STX8: variants seen among roughly 807,000 people sequenced by gnomAD.
STX8 encodes syntaxin 8.
STX8 carries 23 observed loss-of-function variants against 37.5 expected under a neutral mutation model. The ratio of observed to expected loss-of-function variants is 0.61; its 90% CI spans 0.44 to 0.87. The LOEUF (loss-of-function observed/expected upper bound fraction) is 0.87, where lower values mean the gene tolerates loss of function less well. Ranked by LOEUF, STX8 falls within the 40% of genes least tolerant of loss-of-function variation. The pLI is 0.00. For synonymous variants in STX8, 115 were observed against 99.1 expected, an observed-to-expected ratio of 1.16 and a Z score of -0.95; for missense variants, 313 against 284.7, an observed-to-expected ratio of 1.10 and a Z score of -0.71.
At chr17:9,535,424 CTTTTTTTTTTTT>C (rs35962202) in intron 4 of STX8, among the ~76,000 whole-genome samples, 3 of 51,550 alleles carry the variant, frequency 5.8e-5, no homozygotes, top group Admixed American at 7.5e-4. Context: ...AGCCATCCTA[CTTTTTTTTTTTT>C]TTTTTTTTTT....
intron 4 of STX8, among the ~76,000 whole-genome samples, chr17:9,533,361 G>T (rs984338124): frequency 4.6e-5 from 7 of 152,130 alleles, no homozygotes; most frequent in Non-Finnish European, 1.0e-4. Flanking sequence ...CCAGCTACTT[G>T]GGAGCTGAGG....
intron 7 of STX8, among the ~76,000 whole-genome samples, chr17:9,292,367 G>A (rs1408942185): frequency 1.3e-5 from 2 of 152,220 alleles, no homozygotes; most frequent in Admixed American, 1.3e-4. Flanking sequence ...ACCGTGTGGT[G>A]GAAGGGAGAG....
At chr17:9,282,258 G>C (rs1187946363) in intron 7 of STX8, among the ~76,000 whole-genome samples, 2 of 152,042 alleles carry the variant, frequency 1.3e-5, no homozygotes, top group African/African-American at 4.8e-5. Context: ...TCAGCCCCCC[G>C]AGGAGCTGGG....
chr17:9,446,620 A>G (rs1344738413), intron 6 of STX8, among the ~76,000 whole-genome samples: 2 of 152,208 alleles, frequency 1.3e-5, no homozygotes, highest in African/African-American at 4.8e-5. Flanking sequence ...AGTAGTAGTT[A>G]ATGATGAGGA....
intron 7 of STX8, among the ~76,000 whole-genome samples, chr17:9,344,481 A>T (rs1302810262): frequency 1.3e-5 from 2 of 151,972 alleles, no homozygotes; most frequent in African/African-American, 2.4e-5. Context: ...GGCTGGTCTC[A>T]AACTCCTGAC....
rs1301077133 is a variant in STX8, at chr17:9,533,165, T to A, written c.323+12007A>T. On this transcript the variant is annotated intron_variant, in intron 4 of 7. Transcript: ENST00000306357. Reference sequence around the variant, plus strand: ...AGCTCTATGAAACTGTATCAATGTGTCACGTTAAAATTGCTTGCAGGCTGG... The same window carrying A: ...AGCTCTATGAAACTGTATCAATGTGACACGTTAAAATTGCTTGCAGGCTGG... Among the ~76,000 whole-genome samples the A allele has an allele frequency of 5.3e-5, 8 of 152,334 alleles. No individual in the cohort carries two copies. In the East Asian group the frequency reaches 1.3e-3, roughly 26 times the overall value.
chr17:9,403,741 G>GGTT, intron 6 of STX8, among the ~76,000 whole-genome samples: 1 of 152,036 alleles, frequency 6.6e-6, no homozygotes, highest in Non-Finnish European at 1.5e-5. Flanking sequence ...CTGCCTCCCG[G>GGTT]GTTCAAGCAA....
At chr17:9,270,413 A>G (rs1195143883) in intron 7 of STX8, among the ~76,000 whole-genome samples, 1 of 151,574 alleles carries the variant, frequency 6.6e-6, no homozygotes, top group Non-Finnish European at 1.5e-5. Context: ...ACGCCCGGCT[A>G]ATTTTTTTTT....
chr17:9,382,430 T>A (rs113082290), intron 6 of STX8, among the ~76,000 whole-genome samples: 1 of 152,164 alleles, frequency 6.6e-6, no homozygotes, highest in Non-Finnish European at 1.5e-5. Context: ...CACGCAAGAT[T>A]TTTTTTCTTT....
At chr17:9,448,518 T>A (rs1187154043) in intron 6 of STX8, among the ~76,000 whole-genome samples, 1 of 113,386 alleles carries the variant, frequency 8.8e-6, no homozygotes, top group Admixed American at 1.0e-4. Flanking sequence ...TTGGCGTTCC[T>A]AAGCACAAGA....
chr17:9,487,076 G>A (rs1906630107), intron 6 of STX8, among the ~76,000 whole-genome samples: 1 of 152,140 alleles, frequency 6.6e-6, no homozygotes. Flanking sequence ...TTCCTCGCTT[G>A]GCTTGGTCAC....
At chr17:9,318,018 T>A (rs147076682) in intron 7 of STX8, among the ~76,000 whole-genome samples, 204 of 152,314 alleles carry the variant, frequency 1.3e-3, no homozygotes, top group African/African-American at 4.7e-3. Context: ...AATTCTTACA[T>A]ATGAACTCGC....
At chr17:9,432,525 C>T (rs76374651) in intron 6 of STX8, among the ~76,000 whole-genome samples, 8,669 of 152,176 alleles carry the variant, frequency 0.057, 694 homozygotes, top group African/African-American at 0.18. Context: ...CCTCTAGTCA[C>T]ACATAGGCCA....
At chr17:9,285,045 C>T (rs1166971162) in intron 7 of STX8, among the ~76,000 whole-genome samples, 2 of 152,120 alleles carry the variant, frequency 1.3e-5, no homozygotes, top group Admixed American at 1.3e-4. Context: ...GGCCCCACCC[C>T]CCTGGAGATT....
chr17:9,374,486 A>T (rs545185573), intron 7 of STX8, among the ~76,000 whole-genome samples: 56 of 152,188 alleles, frequency 3.7e-4, no homozygotes, highest in Non-Finnish European at 6.6e-4. Flanking sequence ...AATATTGATC[A>T]GTTGAAGGCT....
intron 3 of STX8, among the ~76,000 whole-genome samples, chr17:9,545,587 T>G (rs565929956): frequency 4.6e-5 from 7 of 152,200 alleles, no homozygotes; most frequent in African/African-American, 1.7e-4. Flanking sequence ...CCAAACTTAT[T>G]TACTTATTTT....
intron 6 of STX8, among the ~76,000 whole-genome samples, chr17:9,394,077 A>G (rs187682002): frequency 1.3e-5 from 2 of 152,346 alleles, no homozygotes; most frequent in Admixed American, 1.3e-4. Flanking sequence ...AGGAAAAACA[A>G]TAGAAGCAAA....
rs1164799565 is a variant in STX8 at position 9,300,830 on chromosome 17, C to CTTTTT, written c.644-50190_644-50186dup. ...TGAGATGGGACATTCTTATTTTGTT[C>CTTTTT]TTTTTTTTTTTTTTTTTTTTTTGAG... On this transcript the variant is annotated intron_variant, in intron 7 of 7. Transcript: ENST00000306357. Among the ~76,000 whole-genome samples the CTTTTT allele has an allele frequency of 8.5e-4, 77 of 90,890 alleles. 2 individuals carry two copies. Among genetic ancestry groups the CTTTTT allele is most frequent in the African/African-American group, 1.7e-3 (41 of 24,102 alleles). 59.6% of individuals were successfully genotyped at this position (90,890 alleles called of 152,430 possible). A position where few individuals can be genotyped will look rare whatever the true frequency, so the allele number is the denominator to read the frequency against.
chr17:9,390,942 CA>C (rs1166935835), intron 6 of STX8, among the ~76,000 whole-genome samples: 1 of 151,324 alleles, frequency 6.6e-6, no homozygotes, highest in Non-Finnish European at 1.5e-5. Flanking sequence ...AGCACCCCCT[CA>C]AAAAAAAGTG....
Sources: allele counts gnomAD v4.1 joint callset (sites outside exome capture counted in the v4.1 genomes callset), GRCh38; gene constraint gnomAD v4.1.1; transcripts MANE v1.5; gene names NCBI Gene and HGNC (gene_info 2026-07-23, HGNC 2026-07-21).